The following GRAMD1B variants were observed in gnomAD, a reference collection of about 807,000 sequenced individuals.
GRAMD1B encodes protein Aster-B.
Under a neutral mutation model 99.7 loss-of-function variants are expected in GRAMD1B, and 37 were observed. The ratio of observed to expected loss-of-function variants is 0.37; its 90% CI spans 0.29 to 0.49. GRAMD1B has a LOEUF of 0.49. Ranked by LOEUF, GRAMD1B falls within the 20% of genes least tolerant of loss-of-function variation. The probability of loss-of-function intolerance (pLI) is 0.98; values close to 1 mark genes in which losing one functional copy is unlikely to be tolerated. For synonymous variants in GRAMD1B, 427 were observed against 387.6 expected (o/e 1.10, Z -1.19); for missense variants, 888 against 1,009.2 (o/e 0.88, Z 1.63).
chr11:123,619,022 C>A (rs546451936), intron 18 of GRAMD1B, 85 bp from the exon 19 acceptor site: 2 of 770,624 alleles, frequency 2.6e-6, no homozygotes, highest in African/African-American at 1.7e-5. Context: ...TGATGTGACT[C>A]TCTGTCCTTT....
chr11:123,596,180 C>T, intron 7 of GRAMD1B, 143 bp downstream of exon 7: 2 of 558,190 alleles, frequency 3.6e-6, no homozygotes, highest in Non-Finnish European at 3.2e-6. Flanking sequence ...TTCCAGGAAG[C>T]ACCTCCTGGG....
chr11:123,390,916 A>G (rs757057742), intron 1 of GRAMD1B, among the ~76,000 whole-genome samples: 2 of 152,074 alleles, frequency 1.3e-5, no homozygotes, highest in Non-Finnish European at 2.9e-5. Context: ...CTTAACTCTC[A>G]TGCTCACTGC....
At chr11:123,416,304 T>C (rs1403996062) in intron 1 of GRAMD1B, among the ~76,000 whole-genome samples, 1 of 152,198 alleles carries the variant, frequency 6.6e-6, no homozygotes, top group African/African-American at 2.4e-5. Flanking sequence ...GATAACTGAA[T>C]GGGCAAAACC....
At chr11:123,494,452 C>G (rs1043315248) in intron 2 of GRAMD1B, among the ~76,000 whole-genome samples, 10 of 148,286 alleles carry the variant, frequency 6.7e-5, no homozygotes, top group Non-Finnish European at 1.0e-4. Context: ...GAGCTAAGCT[C>G]TGACTTTTGA....
At chr11:123,513,583 TTCC>T (rs1565315659) in intron 2 of GRAMD1B, among the ~76,000 whole-genome samples, 3 of 69,020 alleles carry the variant, frequency 4.3e-5, no homozygotes, top group East Asian at 3.9e-4. Flanking sequence ...CTTCCTTTCC[TTCC>T]TTCCTTCCTT....
intron 2 of GRAMD1B, among the ~76,000 whole-genome samples, chr11:123,570,279 C>T (rs1352042425): frequency 2.0e-5 from 3 of 152,090 alleles, no homozygotes; most frequent in East Asian, 1.9e-4. Context: ...GGATTCTGCA[C>T]GTTAAGGAAG....
intron 8 of GRAMD1B, among the ~76,000 whole-genome samples, chr11:123,601,839 G>T (rs12291891): frequency 0.36 from 55,318 of 152,082 alleles, 10,197 homozygotes; most frequent in East Asian, 0.49. Flanking sequence ...CATATGCTTC[G>T]CAAATGCCCT....
intron 2 of GRAMD1B, among the ~76,000 whole-genome samples, chr11:123,554,462 GAGGATCGCTTGAGCCC>G (rs1349827458): frequency 6.7e-6 from 1 of 148,856 alleles, no homozygotes; most frequent in Non-Finnish European, 1.5e-5. Flanking sequence ...GCCAAGGTGG[GAGGATCGCTTGAGCCC>G]AGGAGTTTCA....
At chr11:123,545,192 T>C (rs1944933146) in intron 2 of GRAMD1B, among the ~76,000 whole-genome samples, 1 of 152,210 alleles carries the variant, frequency 6.6e-6, no homozygotes, top group African/African-American at 2.4e-5. Context: ...GGTGCCCGCA[T>C]CAGTTTCTGT....
chr11:123,499,644 T>C (rs1019738570), intron 2 of GRAMD1B, among the ~76,000 whole-genome samples: 1 of 152,188 alleles, frequency 6.6e-6, no homozygotes, highest in Non-Finnish European at 1.5e-5. Context: ...CCATTTCTCC[T>C]TAGTCTGAAG....
chr11:123,581,176 C>A (rs1264859193), intron 3 of GRAMD1B, among the ~76,000 whole-genome samples: 1 of 152,116 alleles, frequency 6.6e-6, no homozygotes, highest in Non-Finnish European at 1.5e-5. Context: ...CTCTTCAGAC[C>A]TTCTAGGAAA....
intron 4 of GRAMD1B, among the ~76,000 whole-genome samples, chr11:123,590,471 C>T (rs746702748): frequency 5.9e-5 from 9 of 152,226 alleles, no homozygotes; most frequent in Non-Finnish European, 1.3e-4. Context: ...TTGCAGGAAA[C>T]ATCTGCTGGG....
At chr11:123,490,181 G>A (rs900243790) in intron 2 of GRAMD1B, among the ~76,000 whole-genome samples, 1 of 152,174 alleles carries the variant, frequency 6.6e-6, no homozygotes, top group Non-Finnish European at 1.5e-5. Flanking sequence ...AAAGGAAGAG[G>A]ACATAGTACC....
intron 1 of GRAMD1B, among the ~76,000 whole-genome samples, chr11:123,451,430 G>A (rs942371888): frequency 1.3e-5 from 2 of 152,184 alleles, no homozygotes; most frequent in Non-Finnish European, 2.9e-5. Flanking sequence ...AAGAGGTTGT[G>A]TCATGTCACT....
At chr11:123,435,567 G>C in intron 1 of GRAMD1B, 2 of 659,282 alleles carry the variant, frequency 3.0e-6, no homozygotes, top group Middle Eastern at 2.4e-4. Context: ...TAACTTTCCA[G>C]TGTTCACTGG....
At chr11:123,362,073 A>G (rs1946164260) in intron 1 of GRAMD1B, among the ~76,000 whole-genome samples, 1 of 152,238 alleles carries the variant, frequency 6.6e-6, no homozygotes, top group South Asian at 2.1e-4. Context: ...AATTTGTGAC[A>G]TAGTGGTCTG....
intron 1 of GRAMD1B, among the ~76,000 whole-genome samples, chr11:123,470,509 T>G (rs1950961399): frequency 2.1e-5 from 2 of 97,358 alleles, no homozygotes; most frequent in Admixed American, 2.9e-4. Flanking sequence ...TTTCTTTCTT[T>G]CTTTTTTTTT....
At chr11:123,513,329 T>C (rs1046085833) in intron 2 of GRAMD1B, among the ~76,000 whole-genome samples, 1 of 152,156 alleles carries the variant, frequency 6.6e-6, no homozygotes, top group Non-Finnish European at 1.5e-5. Context: ...CTTCACCTTC[T>C]GGAGTCTGGA....
intron 1 of GRAMD1B, chr11:123,459,459 T>G (rs1950311839): frequency 6.6e-6 from 1 of 152,132 alleles, no homozygotes; most frequent in Non-Finnish European, 1.5e-5. Flanking sequence ...TTTGCCATGT[T>G]GTCTAGGCTG....
Sources: gnomAD v4.1 joint callset for allele counts (sites outside exome capture counted in the v4.1 genomes callset) on GRCh38, gnomAD v4.1.1 for gene constraint, MANE v1.5 for transcripts, NCBI Gene and HGNC (gene_info 2026-07-23, HGNC 2026-07-21) for gene names.